CDH4: variants seen among roughly 807,000 people sequenced by gnomAD.
CDH4 encodes cadherin 4, also known as cadherin-4.
A neutral mutation model predicts 86.0 loss-of-function variants in CDH4; 33 were observed. The observed-to-expected ratio is 0.38, with a 90% CI of 0.29 to 0.51. The LOEUF (loss-of-function observed/expected upper bound fraction) is 0.51. CDH4 is among the 20% of genes least tolerant of loss of function. The pLI, the probability that CDH4 is intolerant of heterozygous loss-of-function variation, is 0.86. For synonymous variants in CDH4, 555 were observed against 549.4 expected (o/e 1.01, Z -0.14); for missense variants, 1,114 against 1,307.4 (o/e 0.85, Z 2.28).
At chr20:61,294,223 G>A (rs1172107509) in intron 2 of CDH4, among the ~76,000 whole-genome samples, 1 of 152,206 alleles carries the variant, frequency 6.6e-6, no homozygotes, top group Non-Finnish European at 1.5e-5. Flanking sequence ...GTCTGCCCGT[G>A]ACACCAGCCC....
chr20:61,406,836 T>G (rs1181599731), intron 2 of CDH4, among the ~76,000 whole-genome samples: 219 of 71,664 alleles, frequency 3.1e-3, no homozygotes, highest in African/African-American at 3.8e-3. Context: ...ACCACCATCT[T>G]CTCTGCCTGG....
chr20:61,485,619 C>T (rs963992424), intron 2 of CDH4, among the ~76,000 whole-genome samples: 7 of 152,218 alleles, frequency 4.6e-5, no homozygotes, highest in Non-Finnish European at 1.0e-4. Flanking sequence ...GGCTCATTGA[C>T]CTCTTCTGCA....
chr20:61,527,442 G>A (rs1393743307), intron 2 of CDH4, among the ~76,000 whole-genome samples: 1 of 152,114 alleles, frequency 6.6e-6, no homozygotes, highest in Non-Finnish European at 1.5e-5. Context: ...TAGAGACAGG[G>A]TTTCACCCTG....
chr20:61,872,585 A>C (rs1600726666), intron 6 of CDH4, among the ~76,000 whole-genome samples: 1 of 152,158 alleles, frequency 6.6e-6, no homozygotes, highest in East Asian at 1.9e-4. Context: ...CCCAGGGCCC[A>C]GCAGGGCACC....
chr20:61,300,788 CT>C (rs2084382092), intron 2 of CDH4, among the ~76,000 whole-genome samples: 1 of 152,190 alleles, frequency 6.6e-6, no homozygotes, highest in South Asian at 2.1e-4. Flanking sequence ...GGACAACTGT[CT>C]GTTTAGGTGG....
chr20:61,897,335 C>A (rs935750392), intron 8 of CDH4, among the ~76,000 whole-genome samples: 5 of 152,048 alleles, frequency 3.3e-5, no homozygotes, highest in Admixed American at 1.3e-4. Flanking sequence ...CTCTGGTCCC[C>A]ATCCCGAGAC....
At chr20:61,931,122 ACTC>A (rs1878231366) in intron 13 of CDH4, among the ~76,000 whole-genome samples, 1 of 151,960 alleles carries the variant, frequency 6.6e-6, no homozygotes, top group South Asian at 2.1e-4. Context: ...CCTCCTCCAC[ACTC>A]CTCCTCTCAA....
At chr20:61,635,201 G>A (rs574990518) in intron 2 of CDH4, among the ~76,000 whole-genome samples, 66 of 152,296 alleles carry the variant, frequency 4.3e-4, no homozygotes, top group Admixed American at 3.2e-3. Context: ...GTTTAATTGT[G>A]TAAGGAACTC....
Position 61,810,167 on chromosome 20 carries a change from C to T in CDH4, c.577-34501C>T, listed in dbSNP as rs371924384. On this transcript the variant is annotated intron_variant, in intron 4 of 15. Transcript: ENST00000614565. This position sits in a 1 kb window ranked among gnomAD's most constrained non-coding sequence, Gnocchi z 4.3. ...CCTGAGCCTAGACCTGTTCTCAAGA[C>T]GGAGACAGAGATGGGTGAGGGAGGC... Among the ~76,000 whole-genome samples, 58 of 152,260 alleles carry T rather than the reference C, an allele frequency of 3.8e-4. No homozygotes were observed. The East Asian group carries it at 8.7e-3, about 23-fold the overall frequency.
At chr20:61,556,455 A>G (rs1470051226) in intron 2 of CDH4, among the ~76,000 whole-genome samples, 1 of 152,190 alleles carries the variant, frequency 6.6e-6, no homozygotes, top group Non-Finnish European at 1.5e-5. Context: ...TGTTCTGCAC[A>G]CAGACTTTTG....
At chr20:61,514,326 C>T (rs1436270817) in intron 2 of CDH4, among the ~76,000 whole-genome samples, 1 of 147,680 alleles carries the variant, frequency 6.8e-6, no homozygotes, top group African/African-American at 2.5e-5. Context: ...CCCCCCCCCA[C>T]CCCCACCCCC....
intron 2 of CDH4, among the ~76,000 whole-genome samples, chr20:61,296,287 GT>G (rs1568786641): frequency 2.9e-4 from 28 of 96,424 alleles, no homozygotes; most frequent in Middle Eastern, 6.6e-3. Flanking sequence ...GTGGGTGCGT[GT>G]GTGTGTGTGC....
intron 2 of CDH4, among the ~76,000 whole-genome samples, chr20:61,407,591 A>T (rs1044746912): frequency 6.6e-6 from 1 of 152,240 alleles, no homozygotes; most frequent in African/African-American, 2.4e-5. Context: ...AAATTGCTCC[A>T]GAAATTATAC....
At position 61,636,080 on chromosome 20, in the gene CDH4, G is replaced by A. The variant is rs1600827270; in HGVS notation, c.170-107483G>A. Among the ~76,000 whole-genome samples, 4 of 152,348 alleles carry A rather than the reference G, an allele frequency of 2.6e-5. No homozygotes were observed. In the Middle Eastern group the frequency reaches 0.01, roughly 389 times the overall value. ...GAATGCGGGGGGCTCCACACGCGTG[G>A]GGGTCCACCGTGGGTCATTCTTCCG... is the stretch of plus-strand genomic sequence containing the variant. On this transcript the variant is annotated intron_variant, in intron 2 of 15. Coordinates refer to ENST00000614565, the MANE Select transcript of CDH4 (RefSeq NM_001794.5).
chr20:61,550,809 A>G (rs1181057665), intron 2 of CDH4, among the ~76,000 whole-genome samples: 1 of 152,208 alleles, frequency 6.6e-6, no homozygotes, highest in Non-Finnish European at 1.5e-5. Flanking sequence ...TGGAACAGCA[A>G]TGCTCCCAGA....
At position 61,764,757 on chromosome 20, in the gene CDH4, T is replaced by C. The variant is rs543108560; in HGVS notation, c.397-8246T>C. Among the ~76,000 whole-genome samples the C allele has an allele frequency of 5.3e-5, 8 of 152,300 alleles. No homozygotes were observed. The South Asian group carries it at 1.2e-3, about 24-fold the overall frequency. Reference sequence around the variant, plus strand: ...GCGCCCCAGCCTTCGGCTTCTAACATCACTCCTATCCCCACTGCTGCCCAC... The same window carrying C: ...GCGCCCCAGCCTTCGGCTTCTAACACCACTCCTATCCCCACTGCTGCCCAC... On this transcript the variant is annotated intron_variant, in intron 3 of 15. Coordinates refer to ENST00000614565, the MANE Select transcript of CDH4 (RefSeq NM_001794.5).
intron 4 of CDH4, among the ~76,000 whole-genome samples, chr20:61,791,678 T>C (rs1387683279): frequency 6.6e-6 from 1 of 151,892 alleles, no homozygotes; most frequent in Non-Finnish European, 1.5e-5. Flanking sequence ...GGATGGGCAG[T>C]GAGGGGCAGG....
chr20:61,466,593 T>C (rs1183847335), intron 2 of CDH4, among the ~76,000 whole-genome samples: 2 of 152,116 alleles, frequency 1.3e-5, no homozygotes, highest in African/African-American at 4.8e-5. Flanking sequence ...CCTATAATCT[T>C]AGCACTTTGG....
intron 2 of CDH4, among the ~76,000 whole-genome samples, chr20:61,323,308 T>C (rs780664463): frequency 5.9e-5 from 9 of 152,156 alleles, no homozygotes; most frequent in Non-Finnish European, 1.3e-4. Flanking sequence ...TCTTGGCCTC[T>C]GCATGAACTC....
Sources: allele counts gnomAD v4.1 joint callset (sites outside exome capture counted in the v4.1 genomes callset), GRCh38; gene constraint gnomAD v4.1.1; non-coding constraint Gnocchi (gnomAD v3.1); transcripts MANE v1.5; gene names NCBI Gene and HGNC (gene_info 2026-07-23, HGNC 2026-07-21).